Variants in RAB10 observed in about 807,000 individuals in gnomAD.
RAB10 encodes ras-related protein Rab-10.
In RAB10, 5 loss-of-function variants were observed where a neutral mutation model predicts 25.7. The observed-to-expected ratio is 0.19, with a 90% confidence interval of 0.10 to 0.41. The LOEUF is 0.41. Ranked by LOEUF, RAB10 falls within the 10% of genes least tolerant of loss-of-function variation. The pLI, the probability that RAB10 is intolerant of heterozygous loss-of-function variation, is 1.00. For synonymous variants in RAB10, 89 were observed against 86.4 expected, an observed-to-expected ratio of 1.03 and a Z score of -0.16; for missense variants, 103 against 245.8, an observed-to-expected ratio of 0.42 and a Z score of 3.89.
At chr2:26,046,771 C>T (rs1307493479) in intron 1 of RAB10, among the ~76,000 whole-genome samples, 1 of 152,112 alleles carries the variant, frequency 6.6e-6, no homozygotes, top group Non-Finnish European at 1.5e-5. Flanking sequence ...AGGTTTAAAA[C>T]ATTAGAAAAT....
At chr2:26,064,969 G>A (rs1393638843) in intron 1 of RAB10, among the ~76,000 whole-genome samples, 2 of 152,166 alleles carry the variant, frequency 1.3e-5, no homozygotes. Flanking sequence ...GAGGCAGGAG[G>A]ATCTCTTCAG....
chr2:26,121,663 A>C (rs1276169861), intron 3 of RAB10, among the ~76,000 whole-genome samples: 1 of 152,244 alleles, frequency 6.6e-6, no homozygotes, highest in Non-Finnish European at 1.5e-5. Flanking sequence ...TTTTATTACT[A>C]CCATAAAACA....
chr2:26,098,568 A>G (rs1005213314), intron 1 of RAB10, 94 bp from the exon 2 acceptor site: 7 of 870,816 alleles, frequency 8.0e-6, no homozygotes, highest in African/African-American at 6.9e-5. Flanking sequence ...AACACAGACA[A>G]GTTTAAAAGG....
intron 3 of RAB10, among the ~76,000 whole-genome samples, chr2:26,121,068 C>T (rs888022486): frequency 2.0e-5 from 3 of 152,086 alleles, no homozygotes; most frequent in African/African-American, 7.2e-5. Context: ...TGCATCGCCA[C>T]ACCCGGCTAA....
chr2:26,096,332 A>G (rs1667218354), intron 1 of RAB10, among the ~76,000 whole-genome samples: 1 of 151,838 alleles, frequency 6.6e-6, no homozygotes, highest in African/African-American at 2.4e-5. Flanking sequence ...TGATGTAGAA[A>G]GTGTAAGGAT....
chr2:26,038,488 G>A (rs959308243), intron 1 of RAB10, among the ~76,000 whole-genome samples: 24 of 151,984 alleles, frequency 1.6e-4, no homozygotes, highest in Non-Finnish European at 3.4e-4. Flanking sequence ...GAGCCACTGC[G>A]CCCAGCCTAG....
At chr2:26,109,224 T>G (rs1035421030) in intron 2 of RAB10, among the ~76,000 whole-genome samples, 1 of 152,102 alleles carries the variant, frequency 6.6e-6, no homozygotes, top group Admixed American at 6.6e-5. Flanking sequence ...TTTTGCTTTT[T>G]TAAAAAAGAT....
chr2:26,079,324 A>ACACACACACACAC lies in RAB10; in HGVS notation c.128-19338_128-19337insCACACACACACAC, dbSNP rs1553726198. ...AGCAAGTTTGAAACACACACACACA[A>ACACACACACACAC]ACACACACACACACACACACACACA... On this transcript the variant is annotated intron_variant, in intron 1 of 5. Coordinates refer to ENST00000264710, the MANE Select transcript of RAB10 (RefSeq NM_016131.5). Among the ~76,000 whole-genome samples, 51 of 92,652 alleles carry ACACACACACACAC rather than the reference A, an allele frequency of 5.5e-4. 1 individual carries two copies. Among genetic ancestry groups the ACACACACACACAC allele is most frequent in the African/African-American group, 1.4e-3 (34 of 25,040 alleles). 60.8% of individuals were successfully genotyped at this position (92,652 alleles called of 152,430 possible).
intron 3 of RAB10, among the ~76,000 whole-genome samples, chr2:26,116,394 T>C (rs1667688228): frequency 6.6e-6 from 1 of 151,938 alleles, no homozygotes; most frequent in Admixed American, 6.6e-5. Flanking sequence ...ACATATAATA[T>C]AGGTTGGTGT....
chr2:26,073,672 G>C (rs935139977), intron 1 of RAB10, among the ~76,000 whole-genome samples: 6 of 152,220 alleles, frequency 3.9e-5, no homozygotes, highest in Non-Finnish European at 5.9e-5. Context: ...AAGAGCATCA[G>C]ATAGTTACAG....
At chr2:26,113,758 AAAG>A (rs1485235203) in intron 3 of RAB10, among the ~76,000 whole-genome samples, 204 of 148,332 alleles carry the variant, frequency 1.4e-3, no homozygotes, top group African/African-American at 5.1e-3. Flanking sequence ...AAAAAAAAAA[AAAG>A]AAAGAAAGAA....
chr2:26,055,263 A>G (rs1362535085), intron 1 of RAB10, among the ~76,000 whole-genome samples: 2 of 152,180 alleles, frequency 1.3e-5, no homozygotes, highest in Non-Finnish European at 2.9e-5. Context: ...TATGATTCTC[A>G]GTATCTTTGT....
At chr2:26,069,082 A>G (rs1419331800) in intron 1 of RAB10, among the ~76,000 whole-genome samples, 1 of 152,164 alleles carries the variant, frequency 6.6e-6, no homozygotes. Flanking sequence ...TTAATGTCTA[A>G]TATAGCCTAT....
upstream of RAB10, among the ~76,000 whole-genome samples, chr2:26,033,728 G>A (rs931190025): frequency 4.6e-5 from 7 of 152,234 alleles, no homozygotes; most frequent in Non-Finnish European, 1.0e-4. Flanking sequence ...GGGAGACCCC[G>A]GGAGGGGAAG....
chr2:26,100,793 C>T (rs1015199802), intron 2 of RAB10, among the ~76,000 whole-genome samples: 2 of 151,650 alleles, frequency 1.3e-5, no homozygotes, highest in African/African-American at 2.4e-5. Flanking sequence ...AACAATTTGT[C>T]TATACCCAAA....
At chr2:26,047,827 G>A (rs886564125) in intron 1 of RAB10, among the ~76,000 whole-genome samples, 4 of 143,992 alleles carry the variant, frequency 2.8e-5, no homozygotes, top group South Asian at 4.6e-4. Context: ...GTGTTCAAAC[G>A]ATTCTCCTGC....
rs542678411 is a variant in RAB10 at position 26,112,263 on chromosome 2, T to A, written c.327+2357T>A. Among the ~76,000 whole-genome samples, 4 of 152,280 alleles carry A rather than the reference T, an allele frequency of 2.6e-5. No homozygotes were observed. The East Asian group carries it at 7.7e-4, about 29-fold the overall frequency. The stretch of plus-strand genomic sequence containing the variant: ...ATTGACTTCTGGTGATTGAGTGTAA[T>A]GTCTGTCTCCCTTCCCCTCCTAGGA... On this transcript the variant is annotated intron_variant, in intron 3 of 5. Transcript: ENST00000264710.
chr2:26,058,747 A>T (rs567040780), intron 1 of RAB10, among the ~76,000 whole-genome samples: 1 of 152,228 alleles, frequency 6.6e-6, no homozygotes, highest in East Asian at 1.9e-4. Flanking sequence ...TGTGTGGCAT[A>T]TTCTCTCATT....
At position 26,037,666 on chromosome 2, in the gene RAB10, A is replaced by G. The variant is rs551724552; in HGVS notation, c.127+2931A>G. Among the ~76,000 whole-genome samples the G allele has an allele frequency of 5.9e-5, 9 of 152,160 alleles. 1 individual carries two copies. Among genetic ancestry groups the G allele is most frequent in the African/African-American group, 2.2e-4 (9 of 41,536 alleles). On this transcript the variant is annotated intron_variant, in intron 1 of 5. Transcript: ENST00000264710. ...AAAAAAAAAAAAAGTGTCAATCATA[A>G]TATCTACCACATAGGGTAGTTGTGA...
Sources: allele counts gnomAD v4.1 joint callset (sites outside exome capture counted in the v4.1 genomes callset), GRCh38; gene constraint gnomAD v4.1.1; transcripts MANE v1.5; gene names NCBI Gene and HGNC (gene_info 2026-07-23, HGNC 2026-07-21).